The following PAN3 variants were observed in gnomAD, a reference collection of about 807,000 sequenced individuals.
PAN3 encodes the protein PAN2-PAN3 deadenylation complex subunit PAN3.
Under a neutral mutation model 96.2 loss-of-function variants are expected in PAN3, and 19 were observed. The observed-to-expected ratio is 0.20, with a 90% CI of 0.14 to 0.29. PAN3 has a LOEUF of 0.29. Ranked by LOEUF, PAN3 falls within the 10% of genes least tolerant of loss-of-function variation. The pLI, the probability that PAN3 is intolerant of heterozygous loss-of-function variation, is 1.00. For synonymous variants in PAN3, 433 were observed against 406.6 expected, an observed-to-expected ratio of 1.06 and a Z score of -0.78; for missense variants, 882 against 1,108.1, an observed-to-expected ratio of 0.80 and a Z score of 2.90.
chr13:28,252,558 C>T (rs1884825508), intron 6 of PAN3, among the ~76,000 whole-genome samples: 1 of 151,880 alleles, frequency 6.6e-6, no homozygotes, highest in Non-Finnish European at 1.5e-5. Context: ...TTTGTTAGTT[C>T]CAGTTAATTT....
intron 1 of PAN3, among the ~76,000 whole-genome samples, chr13:28,161,027 A>G (rs1872818023): frequency 6.6e-6 from 1 of 152,160 alleles, no homozygotes; most frequent in African/African-American, 2.4e-5. Context: ...ACAAATTGGT[A>G]TTTGTTATTT....
chr13:28,215,833 A>G (rs1483926542), intron 5 of PAN3: 1 of 1,393,128 alleles, frequency 7.2e-7, no homozygotes, highest in Non-Finnish European at 1.0e-6. Context: ...AAAGCAGTGG[A>G]CAAGAAGGCT....
intron 1 of PAN3, among the ~76,000 whole-genome samples, chr13:28,168,119 G>T (rs1873826695): frequency 6.6e-6 from 1 of 152,130 alleles, no homozygotes; most frequent in African/African-American, 2.4e-5. Flanking sequence ...TCAATTTTGG[G>T]AGACACATTG....
At chr13:28,141,003 C>CTTTTTTTTTTTTTTTT (rs979248659) in intron 1 of PAN3, among the ~76,000 whole-genome samples, 3 of 112,944 alleles carry the variant, frequency 2.7e-5, no homozygotes, top group East Asian at 3.1e-4. Context: ...GAAAGAGACA[C>CTTTTTTTTTTTTTTTT]TTTTTTTTTT....
intron 1 of PAN3, among the ~76,000 whole-genome samples, chr13:28,162,924 A>G (rs1040083226): frequency 6.6e-6 from 1 of 152,092 alleles, no homozygotes; most frequent in Non-Finnish European, 1.5e-5. Flanking sequence ...CCAAAAAGTG[A>G]AAGGTGTGCA....
intron 1 of PAN3, among the ~76,000 whole-genome samples, chr13:28,140,976 T>C (rs2137902491): frequency 6.6e-6 from 1 of 151,828 alleles, no homozygotes; most frequent in East Asian, 1.9e-4. Context: ...CACTGAACAA[T>C]AGTTTTCTTA....
intron 1 of PAN3, among the ~76,000 whole-genome samples, chr13:28,155,085 G>C (rs1231895913): frequency 6.6e-6 from 1 of 151,574 alleles, no homozygotes; most frequent in Non-Finnish European, 1.5e-5. Flanking sequence ...CAAAGTGCTG[G>C]GACTACAGGC....
chr13:28,152,084 G>A (rs899651497), intron 1 of PAN3, among the ~76,000 whole-genome samples: 3 of 152,040 alleles, frequency 2.0e-5, no homozygotes, highest in Non-Finnish European at 4.4e-5. Flanking sequence ...AGAAAGAATA[G>A]GTAAGTAACA....
At chr13:28,286,158 A>G (rs1194142840) in intron 17 of PAN3, among the ~76,000 whole-genome samples, 1 of 152,196 alleles carries the variant, frequency 6.6e-6, no homozygotes, top group Non-Finnish European at 1.5e-5. Flanking sequence ...GTCAAGGATT[A>G]TCATTTGTCT....
chr13:28,277,098 C>T, intron 14 of PAN3, 139 bp from the exon 15 acceptor site: 1 of 816,852 alleles, frequency 1.2e-6, no homozygotes, highest in Non-Finnish European at 1.9e-6. Flanking sequence ...CCAGGTTATT[C>T]TGAGAATCAC....
At chr13:28,234,347 A>G (rs1218000974) in intron 6 of PAN3, among the ~76,000 whole-genome samples, 4 of 152,150 alleles carry the variant, frequency 2.6e-5, no homozygotes, top group African/African-American at 9.7e-5. Context: ...TGGCCTCCAT[A>G]TGTTAATAAT....
At chr13:28,270,969 A>G in intron 13 of PAN3, 103 bp downstream of exon 13, 1 of 1,148,746 alleles carries the variant, frequency 8.7e-7, no homozygotes. Context: ...CATATATTCC[A>G]TCCAGAAGAA....
intron 1 of PAN3, among the ~76,000 whole-genome samples, chr13:28,141,624 C>T (rs1278969045): frequency 2.6e-5 from 4 of 151,862 alleles, no homozygotes; most frequent in African/African-American, 9.7e-5. Flanking sequence ...GGCACCACCA[C>T]GCTCAGCTAA....
intron 4 of PAN3, among the ~76,000 whole-genome samples, chr13:28,180,141 A>G (rs1411492848): frequency 1.3e-5 from 2 of 152,156 alleles, no homozygotes. Context: ...TAATCATCCC[A>G]TCTGTGAAAT....
intron 6 of PAN3, among the ~76,000 whole-genome samples, chr13:28,244,934 C>T (rs533760234): frequency 3.9e-5 from 6 of 152,098 alleles, no homozygotes; most frequent in African/African-American, 1.4e-4. Flanking sequence ...CTGCAACCTC[C>T]GCCTCCCGGG....
At chr13:28,270,557 A>AC in intron 12 of PAN3, 144 bp from the exon 13 acceptor site, 1 of 719,228 alleles carries the variant, frequency 1.4e-6, no homozygotes, top group Non-Finnish European at 2.1e-6. Flanking sequence ...AACTTAAATT[A>AC]CACACATACA....
chr13:28,240,662 C>T lies in PAN3; in HGVS notation c.1001-15630C>T, dbSNP rs545508846. Among the ~76,000 whole-genome samples, 13 of 152,274 alleles carry T rather than the reference C, an allele frequency of 8.5e-5. No homozygotes were observed. In the East Asian group the frequency reaches 1.7e-3, roughly 20 times the overall value. ...ATGAGTTTGCAGAAAATTCAACTTTCGCTCCATAGCTGCATGATTCTTATT... is the reference window on the plus strand; with the variant it reads ...ATGAGTTTGCAGAAAATTCAACTTTTGCTCCATAGCTGCATGATTCTTATT... On this transcript the variant is annotated intron_variant, in intron 6 of 18. Coordinates refer to ENST00000380958, the MANE Select transcript of PAN3 (RefSeq NM_175854.8).
At chr13:28,214,106 A>G (rs1036062677) in intron 5 of PAN3, among the ~76,000 whole-genome samples, 2 of 152,204 alleles carry the variant, frequency 1.3e-5, no homozygotes, top group Non-Finnish European at 2.9e-5. Context: ...AAAAAAATAA[A>G]AAATCACAAC....
chr13:28,210,356 C>CT (rs1879885266), intron 5 of PAN3, among the ~76,000 whole-genome samples: 1 of 152,156 alleles, frequency 6.6e-6, no homozygotes, highest in Non-Finnish European at 1.5e-5. Context: ...ACACATGCTA[C>CT]TTTCCTCTTA....
Sources: gnomAD v4.1 joint callset for allele counts (sites outside exome capture counted in the v4.1 genomes callset) on GRCh38, gnomAD v4.1.1 for gene constraint, MANE v1.5 for transcripts, NCBI Gene and HGNC (gene_info 2026-07-23, HGNC 2026-07-21) for gene names.